ANK2: variants seen among roughly 807,000 people sequenced by gnomAD.
The protein encoded by ANK2 is ankyrin 2.
ANK2 carries 83 observed loss-of-function variants against 360.5 expected under a neutral mutation model. The ratio of observed to expected loss-of-function variants is 0.23; its 90% confidence interval spans 0.19 to 0.28. ANK2 has a LOEUF of 0.28. Among genes scored for constraint, ANK2 ranks in the 10% least tolerant of loss-of-function variants. The probability of loss-of-function intolerance (pLI) is 1.00; values close to 1 mark genes in which losing one functional copy is unlikely to be tolerated. For missense variants in ANK2, 4,201 were observed against 4,795.7 expected, an observed-to-expected ratio of 0.88 and a Z score of 3.66; for synonymous variants, 1,740 against 1,759.5, an observed-to-expected ratio of 0.99 and a Z score of 0.28.
chr4:112,942,363 G>A (rs769493051), intron 2 of ANK2, among the ~76,000 whole-genome samples: 5 of 151,998 alleles, frequency 3.3e-5, no homozygotes, highest in Non-Finnish European at 5.9e-5. Flanking sequence ...AATATTTGTC[G>A]AGAGAATGAA....
intron 2 of ANK2, among the ~76,000 whole-genome samples, chr4:112,960,727 A>G (rs1422747487): frequency 2.0e-5 from 3 of 152,122 alleles, no homozygotes; most frequent in African/African-American, 7.2e-5. Context: ...TTATTTTACC[A>G]TCATTTTCCT....
At chr4:113,221,614 G>A (rs896147868) in intron 4 of ANK2, among the ~76,000 whole-genome samples, 4 of 151,380 alleles carry the variant, frequency 2.6e-5, no homozygotes, top group Admixed American at 2.0e-4. Flanking sequence ...AGCCGAGATC[G>A]TGCCACTGCA....
At chr4:113,041,815 C>T (rs1191035298) in intron 2 of ANK2, among the ~76,000 whole-genome samples, 2 of 152,098 alleles carry the variant, frequency 1.3e-5, no homozygotes, top group Non-Finnish European at 2.9e-5. Flanking sequence ...GGTGAGGGCC[C>T]AGGTCCACTT....
chr4:113,128,059 A>G (rs1439319079), intron 1 of ANK2, among the ~76,000 whole-genome samples: 1 of 152,236 alleles, frequency 6.6e-6, no homozygotes, highest in Non-Finnish European at 1.5e-5. Flanking sequence ...ATTGCTTTAT[A>G]TGTGGTAAGT....
chr4:112,858,835 G>T (rs1340131276), intron 1 of ANK2, among the ~76,000 whole-genome samples: 1 of 152,122 alleles, frequency 6.6e-6, no homozygotes, highest in East Asian at 1.9e-4. Context: ...TTCAACAACT[G>T]TTGGATTTGT....
At chr4:113,187,741 T>C (rs1241383545) in intron 2 of ANK2, among the ~76,000 whole-genome samples, 1 of 152,220 alleles carries the variant, frequency 6.6e-6, no homozygotes, top group Non-Finnish European at 1.5e-5. Flanking sequence ...CAGTGTCATA[T>C]AACGACAGGA....
intron 17 of ANK2, among the ~76,000 whole-genome samples, chr4:113,281,063 ATTGT>A (rs1411152072): frequency 1.3e-5 from 2 of 152,212 alleles, no homozygotes; most frequent in Non-Finnish European, 2.9e-5. Context: ...CAGGAGAAAC[ATTGT>A]TTGTCAAAAA....
chr4:113,346,065 A>G (rs536501301), intron 35 of ANK2, 43 bp downstream of exon 35: 24 of 1,609,224 alleles, frequency 1.5e-5, no homozygotes, highest in South Asian at 9.9e-5. Context: ...TAGAGTAGGA[A>G]TTGATTTTTA....
At chr4:113,345,758 A>G in intron 34 of ANK2, 142 bp from the exon 35 acceptor site, 2 of 1,184,976 alleles carry the variant, frequency 1.7e-6, no homozygotes, top group South Asian at 2.7e-5. Context: ...CCAAATGGTA[A>G]TAGGAAAAGA....
intron 18 of ANK2, among the ~76,000 whole-genome samples, chr4:113,285,665 C>T (rs182653547): frequency 9.1e-4 from 139 of 152,272 alleles, no homozygotes; most frequent in African/African-American, 3.0e-3. Context: ...AGAAGCTCCC[C>T]GAGCCCTGTC....
At chr4:112,865,688 A>G (rs1162525307) in intron 1 of ANK2, among the ~76,000 whole-genome samples, 1 of 152,232 alleles carries the variant, frequency 6.6e-6, no homozygotes, top group Non-Finnish European at 1.5e-5. Flanking sequence ...AAATTACTGT[A>G]TCTAATCTAA....
intron 2 of ANK2, among the ~76,000 whole-genome samples, chr4:113,034,229 C>T (rs78241134): frequency 0.012 from 1,900 of 152,002 alleles, 45 homozygotes; most frequent in African/African-American, 0.043. Context: ...TACTGGATCA[C>T]GAGTGTTCCT....
In ANK2 at chr4:112,914,415, G is replaced by A. The variant is rs2088947974; in HGVS notation, c.21+9901G>A. On this transcript the variant is annotated intron_variant, in intron 2 of 30. Coordinates refer to the ANK2 transcript ENST00000503271. ...GTGGGCAGATCACTTGAGGCCAGGAGTTGGAGACCAGCCTGGCCAACATGA... is the reference window on the plus strand; with the variant it reads ...GTGGGCAGATCACTTGAGGCCAGGAATTGGAGACCAGCCTGGCCAACATGA... 3.9e-5 allele frequency among the ~76,000 whole-genome samples: 6 copies of A among 152,096 alleles called. 1 individual carries two copies. The South Asian group carries it at 1.2e-3, about 32-fold the overall frequency.
intron 4 of ANK2, among the ~76,000 whole-genome samples, chr4:113,221,872 A>G (rs2099156026): frequency 6.6e-6 from 1 of 152,238 alleles, no homozygotes. Flanking sequence ...GTAGACCCAG[A>G]GAGAATACAG....
chr4:113,297,440 G>C (rs55685321), intron 22 of ANK2, among the ~76,000 whole-genome samples: 18,288 of 151,970 alleles, frequency 0.12, 1,441 homozygotes, highest in East Asian at 0.23. Flanking sequence ...AAAAAGAAAT[G>C]ATAAATGTTT....
chr4:113,135,502 C>T (rs1219024482), intron 1 of ANK2, among the ~76,000 whole-genome samples: 1 of 144,664 alleles, frequency 6.9e-6, no homozygotes, highest in African/African-American at 2.6e-5. Flanking sequence ...ATGGCCAAAC[C>T]ATAGAGCTGT....
At position 113,336,030 on chromosome 4, in the gene ANK2, CACCAAGCG is replaced by C; in HGVS notation, c.3565_3572del (p.Thr1189AspfsTer13). On this transcript the variant is annotated frameshift_variant, in exon 30 of 46. Transcript: ENST00000357077. LOFTEE classifies it high-confidence loss of function. ...AGGCCGTCTTCCCAGAGGGGGCACTCACCAAGCGGATCCGCGTAGGCCTGCAGGTATGC... is the reference window on the plus strand; with the variant it reads ...AGGCCGTCTTCCCAGAGGGGGCACTCGATCCGCGTAGGCCTGCAGGTATGC... The C allele has an allele frequency of 6.2e-7, 1 of 1,614,054 alleles. No individual in the cohort carries two copies. The highest frequency in any genetic ancestry group is 8.5e-7 in the Non-Finnish European group (1 of 1,179,988).
At chr4:113,226,167 G>A (rs927949206) in intron 4 of ANK2, among the ~76,000 whole-genome samples, 1 of 152,068 alleles carries the variant, frequency 6.6e-6, no homozygotes, top group Non-Finnish European at 1.5e-5. Context: ...CTATAGTCTG[G>A]CCTCTGTTTT....
At chr4:112,958,464 TGCGCCTGCAATC>T (rs1423638223) in intron 2 of ANK2, among the ~76,000 whole-genome samples, 1 of 151,972 alleles carries the variant, frequency 6.6e-6, no homozygotes, top group Non-Finnish European at 1.5e-5. Flanking sequence ...CGTGGCGGCG[TGCGCCTGCAATC>T]GCAGGCACTC....
Sources: gnomAD v4.1 joint callset for allele counts (sites outside exome capture counted in the v4.1 genomes callset) on GRCh38, gnomAD v4.1.1 for gene constraint, MANE v1.5 for transcripts, NCBI Gene and HGNC (gene_info 2026-07-23, HGNC 2026-07-21) for gene names.